Variants in DOCK9 observed in about 807,000 individuals in gnomAD.
DOCK9 encodes the protein dedicator of cytokinesis protein 9.
DOCK9 carries 89 observed loss-of-function variants against 263.3 expected under a neutral mutation model. The observed-to-expected ratio is 0.34, with a 90% CI of 0.28 to 0.40. The LOEUF (loss-of-function observed/expected upper bound fraction) is 0.40, where lower values mean the gene tolerates loss of function less well. DOCK9 is among the 10% of genes least tolerant of loss of function. The pLI is 1.00. For synonymous variants in DOCK9, 976 were observed against 973.1 expected (o/e 1.00, Z -0.06); for missense variants, 2,140 against 2,603.4 (o/e 0.82, Z 3.87).
chr13:98,924,236 G>A (rs763933889), intron 4 of DOCK9, among the ~76,000 whole-genome samples: 17 of 152,166 alleles, frequency 1.1e-4, no homozygotes, highest in Admixed American at 3.3e-4. Context: ...AGTGTTCCTG[G>A]CTGAGGTTTA....
intron 27 of DOCK9, among the ~76,000 whole-genome samples, chr13:98,877,053 T>A (rs2043969725): frequency 6.6e-6 from 1 of 152,218 alleles, no homozygotes; most frequent in Non-Finnish European, 1.5e-5. Context: ...ATTTGAGTGG[T>A]TTGTGTTAAG....
At position 98,853,391 on chromosome 13, in the gene DOCK9, T is replaced by C. The variant is rs1347939677; in HGVS notation, c.3946+17A>G. ...TGCTGAAACGAGCAAAACAGAAATC[T>C]CCATTTTTTAACCTACCATCAGACA... On this transcript the variant is annotated intron_variant, in intron 35 of 52. Transcript: ENST00000682017. 1 of 1,543,802 alleles carries C rather than the reference T, an allele frequency of 6.5e-7. No individual in the cohort carries two copies. Among genetic ancestry groups the C allele is most frequent in the Non-Finnish European group, 8.9e-7 (1 of 1,127,790 alleles).
chr13:99,041,520 C>T (rs1015088157), intron 1 of DOCK9, among the ~76,000 whole-genome samples: 5 of 150,914 alleles, frequency 3.3e-5, no homozygotes, highest in African/African-American at 1.2e-4. Context: ...TAAGAATGAA[C>T]TACATTGTCT....
intron 1 of DOCK9, among the ~76,000 whole-genome samples, chr13:99,040,127 A>T (rs990453870): frequency 6.6e-6 from 1 of 152,156 alleles, no homozygotes; most frequent in Non-Finnish European, 1.5e-5. Flanking sequence ...TTATAAGAAA[A>T]GGCAAGAGAG....
upstream of DOCK9, among the ~76,000 whole-genome samples, chr13:98,982,532 C>T (rs1352531371): frequency 6.6e-6 from 1 of 152,100 alleles, no homozygotes; most frequent in African/African-American, 2.4e-5. Context: ...GTAGAAGAAC[C>T]CTTTAGTGAG....
At chr13:99,079,011 T>C (rs1360291766) in intron 1 of DOCK9, among the ~76,000 whole-genome samples, 2 of 152,194 alleles carry the variant, frequency 1.3e-5, no homozygotes, top group Non-Finnish European at 2.9e-5. Context: ...TCAACGAATG[T>C]ATATAAGAGA....
chr13:99,049,115 T>C (rs1245567590), intron 1 of DOCK9, among the ~76,000 whole-genome samples: 3 of 152,250 alleles, frequency 2.0e-5, no homozygotes, highest in African/African-American at 7.2e-5. Flanking sequence ...AACAGAATCA[T>C]CAATGACTAC....
chr13:98,867,610 A>G (rs1216771574), intron 29 of DOCK9, 74 bp from the exon 30 acceptor site: 2 of 963,722 alleles, frequency 2.1e-6, no homozygotes, highest in African/African-American at 3.3e-5. Flanking sequence ...CCTATTAGCA[A>G]TAGTATGCTA....
At chr13:98,941,835 C>A (rs1202054661) in intron 2 of DOCK9, among the ~76,000 whole-genome samples, 1 of 152,144 alleles carries the variant, frequency 6.6e-6, no homozygotes, top group Non-Finnish European at 1.5e-5. Flanking sequence ...TAATAAGCTC[C>A]CTAGTAACCT....
At chr13:98,941,342 T>C (rs1384815966) in intron 2 of DOCK9, among the ~76,000 whole-genome samples, 2 of 152,168 alleles carry the variant, frequency 1.3e-5, no homozygotes, top group Non-Finnish European at 2.9e-5. Flanking sequence ...TGAGACAGCG[T>C]CTCAGCAACA....
chr13:98,997,209 C>T (rs1349091522), intron 1 of DOCK9, among the ~76,000 whole-genome samples: 4 of 152,240 alleles, frequency 2.6e-5, no homozygotes, highest in Admixed American at 1.3e-4. Context: ...CAGGCCCACA[C>T]GTCTCAGGAA....
intron 1 of DOCK9, among the ~76,000 whole-genome samples, chr13:99,076,730 A>C (rs1370020834): frequency 1.3e-5 from 2 of 152,194 alleles, no homozygotes; most frequent in African/African-American, 4.8e-5. Flanking sequence ...AGTCAGATGT[A>C]GCATCTTCAG....
intron 38 of DOCK9, among the ~76,000 whole-genome samples, chr13:98,839,837 T>C (rs527608618): frequency 3.1e-4 from 47 of 152,344 alleles, no homozygotes; most frequent in African/African-American, 1.1e-3. Flanking sequence ...TATGGAAACA[T>C]GGTACTGGGA....
chr13:99,069,011 G>C (rs1337097484), intron 1 of DOCK9, among the ~76,000 whole-genome samples: 1 of 152,170 alleles, frequency 6.6e-6, no homozygotes, highest in Non-Finnish European at 1.5e-5. Context: ...TAATAATACA[G>C]TTTGAACCAA....
intron 13 of DOCK9, 150 bp from the exon 14 acceptor site, chr13:98,898,411 G>C: frequency 3.2e-6 from 2 of 629,270 alleles, no homozygotes; most frequent in South Asian, 3.8e-5. Flanking sequence ...AATATGGCTG[G>C]ATTCACACTC....
chr13:99,033,378 A>G (rs1171460127), intron 1 of DOCK9, among the ~76,000 whole-genome samples: 4 of 152,238 alleles, frequency 2.6e-5, no homozygotes, highest in African/African-American at 9.6e-5. Flanking sequence ...AAAATAGGAT[A>G]AACCATTTGT....
At chr13:98,992,813 T>C (rs1157224788) in intron 1 of DOCK9, among the ~76,000 whole-genome samples, 1 of 152,188 alleles carries the variant, frequency 6.6e-6, no homozygotes, top group African/African-American at 2.4e-5. Flanking sequence ...ATACAGCAGC[T>C]GAGAATCCAC....
intron 1 of DOCK9, among the ~76,000 whole-genome samples, chr13:99,085,012 A>C (rs1483271156): frequency 3.3e-5 from 5 of 152,228 alleles, no homozygotes; most frequent in African/African-American, 1.2e-4. Context: ...CTGGAGTTGG[A>C]GAAATTTGGA....
intron 49 of DOCK9, among the ~76,000 whole-genome samples, chr13:98,802,406 T>C (rs1263676864): frequency 6.6e-6 from 1 of 152,118 alleles, no homozygotes; most frequent in Non-Finnish European, 1.5e-5. Context: ...AGGTGGACAA[T>C]TAGGTGACCG....
Sources: gnomAD v4.1 joint callset for allele counts (sites outside exome capture counted in the v4.1 genomes callset) on GRCh38, gnomAD v4.1.1 for gene constraint, MANE v1.5 for transcripts, NCBI Gene and HGNC (gene_info 2026-07-23, HGNC 2026-07-21) for gene names.